Variants in NRF1 observed in about 807,000 individuals in gnomAD.
NRF1 encodes nuclear respiratory factor 1, also known as alpha palindromic-binding protein.
A neutral mutation model predicts 58.5 loss-of-function variants in NRF1; 5 were observed. The observed-to-expected ratio is 0.09, with a 90% CI of 0.04 to 0.18. The LOEUF (loss-of-function observed/expected upper bound fraction) is 0.18. Ranked by LOEUF, NRF1 falls within the 10% of genes least tolerant of loss-of-function variation. The pLI is 1.00. For synonymous variants in NRF1, 224 were observed against 246.7 expected (o/e 0.91, Z 0.86); for missense variants, 288 against 657.7 (o/e 0.44, Z 6.15).
chr7:129,676,427 G>C (rs1237521724), intron 3 of NRF1, among the ~76,000 whole-genome samples: 1 of 152,168 alleles, frequency 6.6e-6, no homozygotes, highest in Non-Finnish European at 1.5e-5. Context: ...AACACTTAGA[G>C]GCCATTGTAG....
chr7:129,682,419 C>G (rs1334700672), intron 4 of NRF1, among the ~76,000 whole-genome samples: 1 of 151,380 alleles, frequency 6.6e-6, no homozygotes. Context: ...GATTGCACCA[C>G]TGCACTCTAG....
chr7:129,686,200 A>G (rs1345335668), intron 4 of NRF1, among the ~76,000 whole-genome samples: 1 of 152,080 alleles, frequency 6.6e-6, no homozygotes, highest in Non-Finnish European at 1.5e-5. Flanking sequence ...AGAAGGAAGA[A>G]GGTGAGCAAA....
chr7:129,628,296 G>A (rs1584586594), intron 1 of NRF1, among the ~76,000 whole-genome samples: 1 of 151,024 alleles, frequency 6.6e-6, no homozygotes, highest in Non-Finnish European at 1.5e-5. Flanking sequence ...TGCCCGTCTC[G>A]GTGGTTCTTA....
At chr7:129,713,591 G>C (rs1018950279) in intron 8 of NRF1, among the ~76,000 whole-genome samples, 1 of 152,190 alleles carries the variant, frequency 6.6e-6, no homozygotes, top group East Asian at 1.9e-4. Context: ...CACTTTTTGA[G>C]CCCTGTGCCA....
intron 10 of NRF1, among the ~76,000 whole-genome samples, chr7:129,744,936 T>TGGGC (rs1562991676): frequency 6.6e-6 from 1 of 152,030 alleles, no homozygotes; most frequent in Non-Finnish European, 1.5e-5. Flanking sequence ...GACAGGCACA[T>TGGGC]GGGGGTTCAT....
intron 1 of NRF1, among the ~76,000 whole-genome samples, chr7:129,638,483 C>T (rs17160728): frequency 1.5e-3 from 222 of 152,256 alleles, no homozygotes; most frequent in African/African-American, 5.1e-3. Flanking sequence ...TGGCCAGGAC[C>T]GAGTAGCTGC....
chr7:129,733,452 C>G (rs995353335), intron 10 of NRF1, among the ~76,000 whole-genome samples: 2 of 141,436 alleles, frequency 1.4e-5, no homozygotes, highest in Non-Finnish European at 1.6e-5. Context: ...GGGTATAGAG[C>G]GAGACTCCGT....
chr7:129,639,297 T>C lies in NRF1; in HGVS notation c.-6-18049T>C, dbSNP rs376446585. 3.7e-4 allele frequency among the ~76,000 whole-genome samples: 57 copies of C among 152,228 alleles called. 1 individual carries two copies. The East Asian group carries it at 8.7e-3, about 23-fold the overall frequency. ...CTGCTCTCAAACTCCTGACAATTTA[T>C]GGGGATTTTGGTTATTTGATCTTGA... On this transcript the variant is annotated intron_variant, in intron 1 of 10. Coordinates refer to ENST00000393232, the MANE Select transcript of NRF1 (RefSeq NM_005011.5).
chr7:129,727,730 T>C (rs1803480657), intron 10 of NRF1, among the ~76,000 whole-genome samples: 1 of 152,166 alleles, frequency 6.6e-6, no homozygotes. Flanking sequence ...GCAGAGACTC[T>C]CTCATGGGCA....
chr7:129,738,502 T>C (rs1047537946), intron 10 of NRF1, among the ~76,000 whole-genome samples: 4 of 152,246 alleles, frequency 2.6e-5, no homozygotes, highest in Non-Finnish European at 5.9e-5. Context: ...ATGAATCGTT[T>C]TCATTCTGGG....
chr7:129,635,831 G>A (rs1362145799), intron 1 of NRF1, among the ~76,000 whole-genome samples: 1 of 151,938 alleles, frequency 6.6e-6, no homozygotes, highest in Non-Finnish European at 1.5e-5. Context: ...AAAATGATCT[G>A]TTGACCAGAA....
chr7:129,742,650 T>C (rs2116300306), intron 10 of NRF1, among the ~76,000 whole-genome samples: 1 of 152,286 alleles, frequency 6.6e-6, no homozygotes. Flanking sequence ...ATATTTTAGG[T>C]GAATACAAAG....
chr7:129,659,073 CTTTTTT>C (rs780109640), intron 2 of NRF1, among the ~76,000 whole-genome samples: 1 of 88,184 alleles, frequency 1.1e-5, no homozygotes, highest in African/African-American at 5.0e-5. Flanking sequence ...CACCACAGGA[CTTTTTT>C]TTTTTTTTTT....
intron 1 of NRF1, among the ~76,000 whole-genome samples, chr7:129,653,385 C>G (rs977364745): frequency 1.3e-5 from 2 of 152,188 alleles, no homozygotes; most frequent in South Asian, 4.1e-4. Context: ...ACAGCCTCCC[C>G]CACTATCAAC....
In NRF1 at chr7:129,690,568, G is replaced by GGAGACTA. The variant is rs765278939; in HGVS notation, c.606+28_606+29insAGAGACT. On this transcript the variant is annotated intron_variant, in intron 5 of 10. Transcript: ENST00000393232. ...CCAGGTGAGGGGTGGGAGGTGAGGA[G>GGAGACTA]GAGACTCAAAGACAAGTGGCACAGG... 1.9e-6 allele frequency: 3 copies of GGAGACTA among 1,613,694 alleles called. No homozygotes were observed. In the South Asian group the frequency reaches 3.3e-5, roughly 18 times the overall value.
intron 5 of NRF1, among the ~76,000 whole-genome samples, chr7:129,700,845 G>A (rs2116157994): frequency 6.6e-6 from 1 of 152,274 alleles, no homozygotes; most frequent in South Asian, 2.1e-4. Flanking sequence ...GAGCCCAGGA[G>A]TTCAAGGCTG....
At chr7:129,734,586 G>C (rs1188622413) in intron 10 of NRF1, among the ~76,000 whole-genome samples, 1 of 152,204 alleles carries the variant, frequency 6.6e-6, no homozygotes, top group Non-Finnish European at 1.5e-5. Context: ...AGTGCCCCGG[G>C]CTCAGCAGCC....
chr7:129,657,607 A>ATTTTT (rs11446444), intron 2 of NRF1, 33 bp downstream of exon 2: 262 of 999,872 alleles, frequency 2.6e-4, no homozygotes, highest in Middle Eastern at 3.3e-4. Flanking sequence ...CTCTTCTTTA[A>ATTTTT]TTTTTTTTTT....
intron 4 of NRF1, among the ~76,000 whole-genome samples, chr7:129,683,889 T>C (rs1802386057): frequency 6.6e-6 from 1 of 152,056 alleles, no homozygotes; most frequent in South Asian, 2.1e-4. Flanking sequence ...TGCCTCAGCC[T>C]CCCAAAGTGC....
Sources: gnomAD v4.1 joint callset for allele counts (sites outside exome capture counted in the v4.1 genomes callset) on GRCh38, gnomAD v4.1.1 for gene constraint, MANE v1.5 for transcripts, NCBI Gene and HGNC (gene_info 2026-07-23, HGNC 2026-07-21) for gene names.